Variants in ARHGAP22 observed in about 807,000 individuals in gnomAD.
ARHGAP22 encodes the protein Rho GTPase activating protein 22, also known as rho GTPase-activating protein 22.
In ARHGAP22, 48 loss-of-function variants were observed where a neutral mutation model predicts 59.1. The ratio of observed to expected loss-of-function variants is 0.81; its 90% CI spans 0.64 to 1.03. ARHGAP22 has a LOEUF of 1.03. Among genes scored for constraint, ARHGAP22 ranks in the 50% least tolerant of loss-of-function variants. The pLI, the probability that ARHGAP22 is intolerant of heterozygous loss-of-function variation, is 0.00. For missense variants in ARHGAP22, 1,015 were observed against 958.7 expected (o/e 1.06, Z -0.78); for synonymous variants, 445 against 416.4 (o/e 1.07, Z -0.84).
chr10:48,497,747 G>A (rs1340934046), intron 3 of ARHGAP22, among the ~76,000 whole-genome samples: 1 of 152,168 alleles, frequency 6.6e-6, no homozygotes, highest in African/African-American at 2.4e-5. Context: ...CTCAGTCCCA[G>A]GTGCAGCTCC....
chr10:48,654,401 C>T (rs149957208), upstream of ARHGAP22, among the ~76,000 whole-genome samples: 1 of 152,360 alleles, frequency 6.6e-6, no homozygotes, highest in East Asian at 1.9e-4. Context: ...CCAAACATCT[C>T]TTCTTGCCTC....
At chr10:48,542,979 A>G (rs2056102271) in intron 3 of ARHGAP22, among the ~76,000 whole-genome samples, 1 of 152,046 alleles carries the variant, frequency 6.6e-6, no homozygotes, top group African/African-American at 2.4e-5. Context: ...TTTTCAGTAC[A>G]CCCTCAGCAG....
chr10:48,573,656 T>C (rs2058534095), intron 2 of ARHGAP22, among the ~76,000 whole-genome samples: 1 of 152,226 alleles, frequency 6.6e-6, no homozygotes, highest in Admixed American at 6.5e-5. Context: ...CAGAACCCAT[T>C]CTAAGAATTG....
intron 2 of ARHGAP22, among the ~76,000 whole-genome samples, chr10:48,578,667 G>A (rs893937922): frequency 2.3e-5 from 3 of 131,960 alleles, no homozygotes; most frequent in Non-Finnish European, 4.7e-5. Flanking sequence ...TTGGGTCTCT[G>A]ATTTCATTTT....
intron 1 of ARHGAP22, among the ~76,000 whole-genome samples, chr10:48,631,759 C>T (rs900564690): frequency 6.6e-6 from 1 of 152,146 alleles, no homozygotes; most frequent in African/African-American, 2.4e-5. Context: ...CAAACAGTTA[C>T]CTGTTAGATC....
At chr10:48,646,598 A>C (rs909870758) in intron 1 of ARHGAP22, among the ~76,000 whole-genome samples, 4 of 152,202 alleles carry the variant, frequency 2.6e-5, no homozygotes, top group African/African-American at 9.7e-5. Context: ...ATTTTTTAAC[A>C]AATGGTGTTG....
chr10:48,572,861 C>G (rs2058484187), intron 2 of ARHGAP22, among the ~76,000 whole-genome samples: 2 of 152,194 alleles, frequency 1.3e-5, no homozygotes, highest in African/African-American at 4.8e-5. Flanking sequence ...CATGGCATCA[C>G]TTCTGTCTTA....
At chr10:48,529,168 C>T (rs543839205) in intron 3 of ARHGAP22, among the ~76,000 whole-genome samples, 9 of 151,926 alleles carry the variant, frequency 5.9e-5, no homozygotes, top group Non-Finnish European at 1.2e-4. Flanking sequence ...GTGGCTAGAG[C>T]GAGATAGGGA....
intron 1 of ARHGAP22, among the ~76,000 whole-genome samples, chr10:48,627,627 A>G (rs1056866346): frequency 6.6e-6 from 1 of 152,244 alleles, no homozygotes; most frequent in African/African-American, 2.4e-5. Flanking sequence ...TGCACAGGGC[A>G]GGCCACTGGG....
downstream of ARHGAP22, among the ~76,000 whole-genome samples, chr10:48,441,133 A>G (rs1021141849): frequency 1.2e-4 from 18 of 152,310 alleles, no homozygotes; most frequent in African/African-American, 4.1e-4. Context: ...TTGCTCCCTC[A>G]CCTGCCTGTA....
intron 3 of ARHGAP22, among the ~76,000 whole-genome samples, chr10:48,494,143 C>T (rs1228073736): frequency 2.0e-5 from 3 of 151,050 alleles, no homozygotes; most frequent in South Asian, 4.2e-4. Context: ...TAAGCACCTC[C>T]GTATCCTCTA....
intron 1 of ARHGAP22, among the ~76,000 whole-genome samples, chr10:48,603,868 G>A (rs746739996): frequency 1.3e-5 from 2 of 152,174 alleles, no homozygotes; most frequent in African/African-American, 2.4e-5. Context: ...GAGGCCCCCC[G>A]CTGCAAACAC....
At chr10:48,536,106 G>T (rs1411768762) in intron 3 of ARHGAP22, among the ~76,000 whole-genome samples, 1 of 152,234 alleles carries the variant, frequency 6.6e-6, no homozygotes, top group Non-Finnish European at 1.5e-5. Flanking sequence ...TCGGGGTTTT[G>T]CTGCAGAAAC....
chr10:48,518,661 G>T (rs2053528633), intron 3 of ARHGAP22, among the ~76,000 whole-genome samples: 1 of 152,166 alleles, frequency 6.6e-6, no homozygotes, highest in African/African-American at 2.4e-5. Context: ...ACTGCCACTG[G>T]AACCACTGAG....
chr10:48,536,801 G>T (rs1392057983), intron 3 of ARHGAP22, among the ~76,000 whole-genome samples: 1 of 152,162 alleles, frequency 6.6e-6, no homozygotes, highest in Non-Finnish European at 1.5e-5. Context: ...AGGGGGCAAT[G>T]TAATGTCTAT....
In ARHGAP22 at chr10:48,465,177, G is replaced by T. The variant is rs149405523; in HGVS notation, c.452-5286C>A. ...GTTCCAGTAGGTTTGTCAGCTCCCT[G>T]GAAACCCAGCCATCGTGTGGGTTCC... is the stretch of plus-strand genomic sequence containing the variant. On this transcript the variant is annotated intron_variant, in intron 4 of 9. Coordinates refer to ENST00000249601, the MANE Select transcript of ARHGAP22 (RefSeq NM_021226.4). Among the ~76,000 whole-genome samples, 173 of 152,334 alleles carry T rather than the reference G, an allele frequency of 1.1e-3. 1 individual carries two copies. The highest frequency in any genetic ancestry group is 4.1e-3 in the African/African-American group (170 of 41,580).
chr10:48,463,439 C>T (rs2047346775), intron 4 of ARHGAP22, among the ~76,000 whole-genome samples: 1 of 152,194 alleles, frequency 6.6e-6, no homozygotes, highest in Non-Finnish European at 1.5e-5. Context: ...GAGGAAGTGC[C>T]CATGGGCAGA....
chr10:48,599,385 T>C (rs1216176919), intron 1 of ARHGAP22, among the ~76,000 whole-genome samples: 1 of 152,240 alleles, frequency 6.6e-6, no homozygotes, highest in African/African-American at 2.4e-5. Flanking sequence ...CTTGACAGCA[T>C]GTCCCATGAG....
chr10:48,586,143 G>A (rs1033086957), intron 1 of ARHGAP22, among the ~76,000 whole-genome samples: 11 of 152,186 alleles, frequency 7.2e-5, no homozygotes, highest in East Asian at 1.9e-4. Flanking sequence ...TGGACACACC[G>A]TACATTGCTT....
Sources: allele counts gnomAD v4.1 joint callset (sites outside exome capture counted in the v4.1 genomes callset), GRCh38; gene constraint gnomAD v4.1.1; transcripts MANE v1.5; gene names NCBI Gene and HGNC (gene_info 2026-07-23, HGNC 2026-07-21).